CLNK: variants seen among roughly 807,000 people sequenced by gnomAD.
CLNK encodes the protein cytokine-dependent hematopoietic cell linker.
Under a neutral mutation model 68.6 loss-of-function variants are expected in CLNK, and 74 were observed. That is an observed-to-expected ratio of 1.08 (90% CI 0.89 to 1.31). The LOEUF is 1.31. Ranked by LOEUF, CLNK falls within the 50% of genes most tolerant of loss-of-function variation. The pLI, the probability that CLNK is intolerant of heterozygous loss-of-function variation, is 0.00. For synonymous variants in CLNK, 198 were observed against 172.2 expected, an observed-to-expected ratio of 1.15 and a Z score of -1.17; for missense variants, 553 against 515.3, an observed-to-expected ratio of 1.07 and a Z score of -0.71.
chr4:10,675,780 C>T (rs1026104290), intron 1 of CLNK, among the ~76,000 whole-genome samples: 14 of 151,980 alleles, frequency 9.2e-5, no homozygotes, highest in African/African-American at 1.5e-4. Context: ...AAACTGTGAA[C>T]GGCTAAAGAA....
At chr4:10,643,095 G>A (rs1334937717) in intron 2 of CLNK, among the ~76,000 whole-genome samples, 1 of 152,210 alleles carries the variant, frequency 6.6e-6, no homozygotes, top group Non-Finnish European at 1.5e-5. Flanking sequence ...GGTCTTGGCT[G>A]TGTGTGACCC....
chr4:10,614,476 A>G (rs2108856297), intron 2 of CLNK, among the ~76,000 whole-genome samples: 1 of 152,224 alleles, frequency 6.6e-6, no homozygotes, highest in Admixed American at 6.5e-5. Flanking sequence ...CGACATTAAG[A>G]GTGTGGGATT....
intron 5 of CLNK, among the ~76,000 whole-genome samples, chr4:10,569,240 G>A (rs144186755): frequency 6.1e-5 from 9 of 148,400 alleles, no homozygotes; most frequent in African/African-American, 2.2e-4. Flanking sequence ...GGAGCCAGGA[G>A]ACCAGGTTAC....
chr4:10,615,409 G>A (rs1041950454), intron 2 of CLNK, among the ~76,000 whole-genome samples: 2 of 152,096 alleles, frequency 1.3e-5, no homozygotes, highest in Admixed American at 1.3e-4. Context: ...GCTTGAAGGA[G>A]GGAGGAGGGA....
intron 4 of CLNK, among the ~76,000 whole-genome samples, chr4:10,579,437 A>G (rs905992668): frequency 2.0e-4 from 30 of 152,248 alleles, no homozygotes; most frequent in African/African-American, 7.0e-4. Flanking sequence ...ATATACATAT[A>G]TACATTTACA....
At chr4:10,696,107 C>T in the CLNK span, among the ~76,000 whole-genome samples, 3 of 152,156 alleles carry the variant, frequency 2.0e-5, no homozygotes, top group East Asian at 1.9e-4. Flanking sequence ...CCACCCACCT[C>T]GGCCTCCCAA....
At position 10,555,114 on chromosome 4, in the gene CLNK, G is replaced by C. The variant is rs76938327; in HGVS notation, c.445+3293C>G. Among the ~76,000 whole-genome samples, 1,179 of 152,250 alleles carry C rather than the reference G, an allele frequency of 7.7e-3. 22 individuals carry two copies. The highest frequency in any genetic ancestry group is 0.027 in the African/African-American group (1,106 of 41,538). On this transcript the variant is annotated intron_variant, in intron 8 of 18. Coordinates refer to ENST00000226951, the MANE Select transcript of CLNK (RefSeq NM_052964.4). ...TCGTCTAAAAGCAAACTAGTATAAA[G>C]GTCTTTTGATGGCATTTTGTGGAAT...
At chr4:10,723,179 C>T in the CLNK span, among the ~76,000 whole-genome samples, 1 of 152,118 alleles carries the variant, frequency 6.6e-6, no homozygotes, top group Non-Finnish European at 1.5e-5. Context: ...AGGATGTTTC[C>T]TGTCATAGCT....
chr4:10,528,938 T>C (rs1249405890), intron 12 of CLNK, among the ~76,000 whole-genome samples: 1 of 152,240 alleles, frequency 6.6e-6, no homozygotes, highest in Admixed American at 6.5e-5. Flanking sequence ...GGTAGAATTC[T>C]TGATCATCCT....
chr4:10,711,646 G>A, the CLNK span, among the ~76,000 whole-genome samples: 6 of 152,112 alleles, frequency 3.9e-5, no homozygotes, highest in African/African-American at 9.7e-5. Flanking sequence ...CTGAACATTA[G>A]TGGTGGAGGA....
intron 2 of CLNK, among the ~76,000 whole-genome samples, chr4:10,654,105 C>A (rs1723861440): frequency 1.3e-5 from 2 of 152,040 alleles, no homozygotes; most frequent in African/African-American, 4.8e-5. Context: ...TTGATGAGGC[C>A]AGCACAAATG....
intron 4 of CLNK, among the ~76,000 whole-genome samples, chr4:10,579,607 T>C (rs1362743842): frequency 6.6e-6 from 1 of 152,214 alleles, no homozygotes; most frequent in Non-Finnish European, 1.5e-5. Context: ...AAGTTTTTGT[T>C]TCTTTTAAAG....
At chr4:10,580,698 C>T (rs974358331) in intron 4 of CLNK, among the ~76,000 whole-genome samples, 2 of 151,184 alleles carry the variant, frequency 1.3e-5, no homozygotes, top group Admixed American at 6.6e-5. Context: ...GGAATAAGGA[C>T]GTGAGGAAGG....
chr4:10,610,033 G>GTTTTTTTTTTTTTTTTTT (rs71181047), intron 2 of CLNK, among the ~76,000 whole-genome samples: 1 of 73,450 alleles, frequency 1.4e-5, no homozygotes, highest in African/African-American at 6.4e-5. Context: ...ATGAATGCTC[G>GTTTTTTTTTTTTTTTTTT]TTTTTTTTTT....
intron 2 of CLNK, among the ~76,000 whole-genome samples, chr4:10,600,942 C>T (rs1054892629): frequency 9.2e-5 from 14 of 152,352 alleles, no homozygotes; most frequent in African/African-American, 1.2e-4. Flanking sequence ...TTCTTAACTT[C>T]TTCCTGGGTG....
At chr4:10,635,140 A>G (rs4128566) in intron 2 of CLNK, among the ~76,000 whole-genome samples, 48,593 of 152,146 alleles carry the variant, frequency 0.32, 8,789 homozygotes, top group African/African-American at 0.49. Context: ...CAGTATTTTG[A>G]CAAGAATTTA....
chr4:10,620,134 A>G (rs1470616975), intron 2 of CLNK, among the ~76,000 whole-genome samples: 2 of 152,114 alleles, frequency 1.3e-5, no homozygotes, highest in Non-Finnish European at 2.9e-5. Flanking sequence ...CTCCTCTTAG[A>G]CGCATCCTCC....
At chr4:10,614,520 G>C (rs1722149989) in intron 2 of CLNK, among the ~76,000 whole-genome samples, 1 of 152,156 alleles carries the variant, frequency 6.6e-6, no homozygotes, top group Non-Finnish European at 1.5e-5. Context: ...CTGTTTTTCA[G>C]CCTGAGAATT....
intron 2 of CLNK, among the ~76,000 whole-genome samples, chr4:10,652,704 A>C (rs1051745298): frequency 6.6e-6 from 1 of 152,210 alleles, no homozygotes; most frequent in African/African-American, 2.4e-5. Context: ...AACTATCAGG[A>C]AACAGACAAA....
Sources: allele counts gnomAD v4.1 joint callset (sites outside exome capture counted in the v4.1 genomes callset), GRCh38; gene constraint gnomAD v4.1.1; transcripts MANE v1.5; gene names NCBI Gene and HGNC (gene_info 2026-07-23, HGNC 2026-07-21).